UTRN: variants seen among roughly 807,000 people sequenced by gnomAD.
UTRN encodes utrophin.
A neutral mutation model predicts 463.9 loss-of-function variants in UTRN; 283 were observed. The observed-to-expected ratio is 0.61, with a 90% confidence interval of 0.55 to 0.67. UTRN has a LOEUF of 0.67. Among genes scored for constraint, UTRN ranks in the 30% least tolerant of loss-of-function variants. UTRN has a pLI of 0.00. For missense variants in UTRN, 3,922 were observed against 4,084.3 expected, an observed-to-expected ratio of 0.96 and a Z score of 1.08; for synonymous variants, 1,442 against 1,431.5, an observed-to-expected ratio of 1.01 and a Z score of -0.17.
At position 144,590,388 on chromosome 6, in the gene UTRN, G is replaced by A. The variant is rs116496153; in HGVS notation, c.7479+13100G>A. 3.6e-3 allele frequency among the ~76,000 whole-genome samples: 554 copies of A among 152,020 alleles called. 6 individuals carry two copies. Among genetic ancestry groups the A allele is most frequent in the African/African-American group, 0.012 (483 of 41,472 alleles). On this transcript the variant is annotated intron_variant, in intron 51 of 74. Coordinates refer to ENST00000367545, the MANE Select transcript of UTRN (RefSeq NM_007124.3). ...TGGTTTGATTCTTAACAGTACAAACGTTAAATTATGTGTTCATTGAACCCA... is the reference window on the plus strand; with the variant it reads ...TGGTTTGATTCTTAACAGTACAAACATTAAATTATGTGTTCATTGAACCCA...
chr6:144,752,271 G>A (rs1234781935), intron 56 of UTRN, among the ~76,000 whole-genome samples: 2 of 151,978 alleles, frequency 1.3e-5, no homozygotes, highest in Non-Finnish European at 2.9e-5. Context: ...TAATAAAGGA[G>A]TCATTTTTCT....
rs1786074427 is a variant in UTRN, at chr6:144,713,931, A to AG, written c.7809+13688_7809+13689insG. Among the ~76,000 whole-genome samples the AG allele has an allele frequency of 3.9e-5, 6 of 151,966 alleles. No homozygotes were observed. The South Asian group carries it at 1.0e-3, about 26-fold the overall frequency. ...GTGAAACTCTGTCTCAAAAAAAAAA[A>AG]AAAAAAAGTACAGGGAAGGATACTA... is the stretch of plus-strand genomic sequence containing the variant. On this transcript the variant is annotated intron_variant, in intron 53 of 74. Transcript: ENST00000367545.
At chr6:144,425,306 A>G (rs1025131416) in intron 6 of UTRN, among the ~76,000 whole-genome samples, 2 of 152,132 alleles carry the variant, frequency 1.3e-5, no homozygotes, top group Non-Finnish European at 2.9e-5. Context: ...TATCGGGGAT[A>G]GGTGATATCT....
chr6:144,709,910 A>G lies in UTRN; in HGVS notation c.7809+9667A>G, dbSNP rs1170983641. On this transcript the variant is annotated intron_variant, in intron 53 of 74. Coordinates refer to ENST00000367545, the MANE Select transcript of UTRN (RefSeq NM_007124.3). ...ATAAATGATTTAATGACTCCTTTTC[A>G]AAGTTACTCTTTGATAATAGTGGTG... Among the ~76,000 whole-genome samples, 3 of 152,296 alleles carry G rather than the reference A, an allele frequency of 2.0e-5. No homozygotes were observed. In the East Asian group the frequency reaches 5.8e-4, roughly 29 times the overall value.
chr6:144,617,441 G>C (rs1806249704), intron 51 of UTRN, among the ~76,000 whole-genome samples: 1 of 152,104 alleles, frequency 6.6e-6, no homozygotes, highest in Non-Finnish European at 1.5e-5. Context: ...ATCCAGGTTT[G>C]CGTTTGGCAA....
intron 3 of UTRN, among the ~76,000 whole-genome samples, chr6:144,418,667 C>T (rs1320967599): frequency 6.6e-6 from 1 of 151,920 alleles, no homozygotes; most frequent in African/African-American, 2.4e-5. Context: ...AATTTTCCTG[C>T]CTCAGTCTCC....
At chr6:144,624,220 G>A (rs571707716) in intron 51 of UTRN, among the ~76,000 whole-genome samples, 72 of 152,230 alleles carry the variant, frequency 4.7e-4, no homozygotes, top group South Asian at 2.1e-3. Flanking sequence ...GATAATACAG[G>A]ATTTTGAGTT....
chr6:144,851,622 G>C lies in UTRN; in HGVS notation c.*625G>C, dbSNP rs1195076567. 2 of 152,132 alleles carry C rather than the reference G, an allele frequency of 1.3e-5. No homozygotes were observed. The highest frequency in any genetic ancestry group is 2.9e-5 in the Non-Finnish European group (2 of 68,108). The allele number at this position is 152,132 out of a possible 1,614,324, so 9.4% of individuals were successfully genotyped here. Reference sequence around the variant, plus strand: ...TTATATATACACACATATGGTTTAAGCTACAGCCCTGTGTATGCCGTTTAA... The same window carrying C: ...TTATATATACACACATATGGTTTAACCTACAGCCCTGTGTATGCCGTTTAA... On this transcript the variant is annotated 3_prime_UTR_variant, in exon 75 of 75. Coordinates refer to ENST00000367545, the MANE Select transcript of UTRN (RefSeq NM_007124.3).
In UTRN at chr6:144,342,342, T is replaced by TACACAC. The variant is rs55809792; in HGVS notation, c.79+50462_79+50467dup. 1.5e-3 allele frequency among the ~76,000 whole-genome samples: 205 copies of TACACAC among 138,332 alleles called. 1 individual carries two copies. The highest frequency in any genetic ancestry group is 3.7e-3 in the Middle Eastern group (1 of 270). 90.8% of individuals were successfully genotyped at this position (138,332 alleles called of 152,430 possible). ...GCAATTCTACTTCTGGGTACACACA[T>TACACAC]ACACACACACACACACACACACACA... is the stretch of plus-strand genomic sequence containing the variant. On this transcript the variant is annotated intron_variant, in intron 2 of 74. Transcript: ENST00000367545.
chr6:144,502,225 T>C (rs1794256804), intron 34 of UTRN, among the ~76,000 whole-genome samples: 1 of 152,128 alleles, frequency 6.6e-6, no homozygotes, highest in African/African-American at 2.4e-5. Flanking sequence ...CAGGTTCATT[T>C]AATTATTCAC....
chr6:144,522,222 A>G lies in UTRN; in HGVS notation c.5733+51A>G, dbSNP rs766929710. ...ATGGCCACAGTTAATGTAGAAGTAG[A>G]GGAAGAAATTTGTTCTTGTGCCTAC... On this transcript the variant is annotated intron_variant, in intron 40 of 74. Transcript: ENST00000367545. 12 of 1,376,700 alleles carry G rather than the reference A, an allele frequency of 8.7e-6. No individual in the cohort carries two copies. The Admixed American group carries it at 1.7e-4, about 19-fold the overall frequency. The allele number at this position is 1,376,700 out of a possible 1,614,324, so 85.3% of individuals were successfully genotyped here.
In UTRN at chr6:144,285,452, C is replaced by T. The variant is rs1390162352; in HGVS notation, c.-462C>T. On this transcript the variant is annotated 5_prime_UTR_variant, in exon 1 of 75. Coordinates refer to ENST00000367545, the MANE Select transcript of UTRN (RefSeq NM_007124.3). ...GATTGGGGAATCACGGGGAGCGGCGCCCCCCTTCTTTTGGGTCATTTCTGC... is the reference window on the plus strand; with the variant it reads ...GATTGGGGAATCACGGGGAGCGGCGTCCCCCTTCTTTTGGGTCATTTCTGC... 1.3e-5 allele frequency among the ~76,000 whole-genome samples: 2 copies of T among 152,182 alleles called. No individual in the cohort carries two copies. The highest frequency in any genetic ancestry group is 2.4e-5 in the African/African-American group (1 of 41,458).
intron 2 of UTRN, among the ~76,000 whole-genome samples, chr6:144,376,050 G>A (rs1373898962): frequency 6.6e-6 from 1 of 152,056 alleles, no homozygotes; most frequent in African/African-American, 2.4e-5. Flanking sequence ...GCAGTGGCAC[G>A]ATCACAGCTT....
chr6:144,824,504 A>T (rs1329602317), intron 66 of UTRN, among the ~76,000 whole-genome samples: 1 of 113,428 alleles, frequency 8.8e-6, no homozygotes, highest in African/African-American at 3.1e-5. Context: ...AAATATGTAT[A>T]TATTGTATAT....
intron 33 of UTRN, among the ~76,000 whole-genome samples, chr6:144,496,282 A>G (rs1229668913): frequency 6.6e-6 from 1 of 152,202 alleles, no homozygotes; most frequent in South Asian, 2.1e-4. Context: ...CCAGAGAAAA[A>G]TAGCTGAAAT....
rs1251021146 is a variant in UTRN at position 144,494,632 on chromosome 6, C to T, written c.4593+1176C>T. ...AGACGAGTGGTCTGTTTTGACAGGGCGCTGATTGGTGCGTTTACAATCCCT... is the reference window on the plus strand; with the variant it reads ...AGACGAGTGGTCTGTTTTGACAGGGTGCTGATTGGTGCGTTTACAATCCCT... On this transcript the variant is annotated intron_variant, in intron 33 of 74. Coordinates refer to ENST00000367545, the MANE Select transcript of UTRN (RefSeq NM_007124.3). 6.0e-4 allele frequency among the ~76,000 whole-genome samples: 92 copies of T among 152,252 alleles called. 1 individual carries two copies. Among genetic ancestry groups the T allele is most frequent in the East Asian group, 3.9e-4 (2 of 5,186 alleles).
chr6:144,307,968 C>A (rs973781359), intron 2 of UTRN, among the ~76,000 whole-genome samples: 1 of 152,062 alleles, frequency 6.6e-6, no homozygotes, highest in Non-Finnish European at 1.5e-5. Context: ...GGGTTCTTTT[C>A]TCCCAGCCCT....
chr6:144,481,656 C>G (rs945621050), intron 26 of UTRN, among the ~76,000 whole-genome samples: 2 of 152,274 alleles, frequency 1.3e-5, no homozygotes, highest in Admixed American at 6.5e-5. Context: ...AGTAAACATA[C>G]TTTGGATAAC....
chr6:144,588,784 A>G (rs1230708239), intron 51 of UTRN, among the ~76,000 whole-genome samples: 2 of 152,196 alleles, frequency 1.3e-5, no homozygotes, highest in Non-Finnish European at 1.5e-5. Flanking sequence ...TTCTCTTAGT[A>G]TATTTGGTAG....
Sources: allele counts gnomAD v4.1 joint callset (sites outside exome capture counted in the v4.1 genomes callset), GRCh38; gene constraint gnomAD v4.1.1; transcripts MANE v1.5; gene names NCBI Gene and HGNC (gene_info 2026-07-23, HGNC 2026-07-21).